Variants in PTPRG observed in about 807,000 individuals in gnomAD.
The protein encoded by PTPRG is receptor-type tyrosine-protein phosphatase gamma.
In PTPRG, 102 loss-of-function variants were observed where a neutral mutation model predicts 165.3. The observed-to-expected ratio is 0.62, with a 90% CI of 0.53 to 0.73. The LOEUF is 0.73. Among genes scored for constraint, PTPRG ranks in the 30% least tolerant of loss-of-function variants. The pLI, the probability that PTPRG is intolerant of heterozygous loss-of-function variation, is 0.00. For synonymous variants in PTPRG, 675 were observed against 669.5 expected (o/e 1.01, Z -0.13); for missense variants, 1,866 against 1,861.4 (o/e 1.00, Z -0.05).
chr3:62,021,825 A>G (rs985753008), intron 4 of PTPRG, among the ~76,000 whole-genome samples: 3 of 151,072 alleles, frequency 2.0e-5, no homozygotes, highest in African/African-American at 7.3e-5. Flanking sequence ...AATTATATGT[A>G]AAATTTTGGC....
chr3:62,120,110 T>A (rs933728874), intron 5 of PTPRG, among the ~76,000 whole-genome samples: 31 of 152,074 alleles, frequency 2.0e-4, no homozygotes, highest in Non-Finnish European at 3.2e-4. Context: ...GGTTTTTTTT[T>A]AAGCTGGTTA....
chr3:62,003,329 T>C lies in PTPRG; in HGVS notation c.371-20T>C. 1 of 1,603,304 alleles carries C rather than the reference T, an allele frequency of 6.2e-7. No individual in the cohort carries two copies. The highest frequency in any genetic ancestry group is 1.1e-5 in the South Asian group (1 of 88,816). ...TTGAAACTCACTTTGTTTTCCTCTC[T>C]TCTCATTTGTTTCACACAGTCGCCA... On this transcript the variant is annotated intron_variant, in intron 3 of 29. Transcript: ENST00000474889.
At chr3:61,888,791 A>G (rs979639312) in intron 2 of PTPRG, among the ~76,000 whole-genome samples, 1 of 152,142 alleles carries the variant, frequency 6.6e-6, no homozygotes, top group Non-Finnish European at 1.5e-5. Flanking sequence ...CAGATCATAC[A>G]TTGCATTTTG....
intron 2 of PTPRG, among the ~76,000 whole-genome samples, chr3:61,858,379 C>T (rs1045980278): frequency 2.6e-5 from 4 of 152,108 alleles, no homozygotes; most frequent in Non-Finnish European, 2.9e-5. Context: ...CTTAAAAAAG[C>T]ATATTCTGCT....
rs114701209 is a variant in PTPRG, at chr3:61,858,961, A to G, written c.190+109979A>G. Among the ~76,000 whole-genome samples the G allele has an allele frequency of 3.9e-3, 586 of 151,580 alleles. 7 individuals are homozygous for G. The highest frequency in any genetic ancestry group is 0.014 in the Middle Eastern group (4 of 294). ...CCTGTTTGAGTAAATAGCACTTCCA[A>G]TGTTTTAAGTATGCAGAGCATGATC... On this transcript the variant is annotated intron_variant, in intron 2 of 29. Coordinates refer to ENST00000474889, the MANE Select transcript of PTPRG (RefSeq NM_002841.4).
At chr3:62,068,402 A>AT (rs1701091558) in intron 4 of PTPRG, among the ~76,000 whole-genome samples, 3 of 152,158 alleles carry the variant, frequency 2.0e-5, no homozygotes, top group Non-Finnish European at 4.4e-5. Flanking sequence ...ATACTGTCAG[A>AT]TTTAAAGTAG....
chr3:62,231,956 G>A (rs545147896), intron 14 of PTPRG, among the ~76,000 whole-genome samples: 7 of 152,078 alleles, frequency 4.6e-5, no homozygotes, highest in African/African-American at 1.7e-4. Context: ...CCACACTTGA[G>A]TCTCTTGATA....
At chr3:62,000,662 C>T (rs1047008099) in intron 3 of PTPRG, among the ~76,000 whole-genome samples, 2 of 152,166 alleles carry the variant, frequency 1.3e-5, no homozygotes, top group South Asian at 2.1e-4. Flanking sequence ...GTATTTGAGC[C>T]ACCCCCGCTC....
intron 2 of PTPRG, among the ~76,000 whole-genome samples, chr3:61,961,153 A>G (rs75327611): frequency 1.5e-3 from 225 of 152,298 alleles, no homozygotes; most frequent in African/African-American, 5.1e-3. Context: ...GACCTTCAGA[A>G]GTGACACTGA....
rs911671271 is a variant in PTPRG, at chr3:61,832,017, A to G, written c.190+83035A>G. ...TTTAAAAATGTTTCTAGATGATTTCATTTATACATGGATTTATACATTTGT... is the reference window on the plus strand; with the variant it reads ...TTTAAAAATGTTTCTAGATGATTTCGTTTATACATGGATTTATACATTTGT... On this transcript the variant is annotated intron_variant, in intron 2 of 29. Coordinates refer to ENST00000474889, the MANE Select transcript of PTPRG (RefSeq NM_002841.4). Among the ~76,000 whole-genome samples the G allele has an allele frequency of 2.0e-5, 3 of 152,330 alleles. No individual in the cohort carries two copies. The South Asian group carries it at 6.2e-4, about 32-fold the overall frequency.
intron 26 of PTPRG, among the ~76,000 whole-genome samples, chr3:62,279,428 C>T (rs1354665899): frequency 6.6e-6 from 1 of 152,016 alleles, no homozygotes; most frequent in East Asian, 1.9e-4. Flanking sequence ...ATTTACTATT[C>T]ATGTTATCAT....
At chr3:61,656,057 A>G (rs1286705169) in intron 1 of PTPRG, among the ~76,000 whole-genome samples, 4 of 139,242 alleles carry the variant, frequency 2.9e-5, no homozygotes, top group African/African-American at 1.1e-4. Context: ...CCCCCCGACC[A>G]TCTCTAAAGA....
At chr3:62,008,645 C>T (rs887677208) in intron 4 of PTPRG, among the ~76,000 whole-genome samples, 1 of 152,174 alleles carries the variant, frequency 6.6e-6, no homozygotes, top group African/African-American at 2.4e-5. Context: ...TTTTCGACAC[C>T]AGGGACTGGT....
At chr3:62,288,720 T>TA (rs1702765347) in intron 28 of PTPRG, among the ~76,000 whole-genome samples, 2 of 151,568 alleles carry the variant, frequency 1.3e-5, no homozygotes, top group Admixed American at 6.6e-5. Flanking sequence ...TTAGGTGTGA[T>TA]AGTGTGTTTT....
chr3:62,167,283 G>C (rs892888508), intron 7 of PTPRG, among the ~76,000 whole-genome samples: 7 of 152,144 alleles, frequency 4.6e-5, no homozygotes, highest in Admixed American at 6.5e-5. Flanking sequence ...GTTGAACTTA[G>C]GCAGTTTGAC....
intron 1 of PTPRG, among the ~76,000 whole-genome samples, chr3:61,685,732 T>C (rs1222500581): frequency 6.6e-6 from 1 of 152,224 alleles, no homozygotes; most frequent in African/African-American, 2.4e-5. Context: ...GTCCCTATTC[T>C]GTCTTACTTC....
chr3:62,154,309 G>A (rs1379802329), intron 6 of PTPRG, among the ~76,000 whole-genome samples: 1 of 152,176 alleles, frequency 6.6e-6, no homozygotes, highest in Non-Finnish European at 1.5e-5. Context: ...AAGCAGTGAA[G>A]CCAGGCCCTC....
intron 1 of PTPRG, among the ~76,000 whole-genome samples, chr3:61,573,451 C>T (rs938960): frequency 0.66 from 100,706 of 152,078 alleles, 34,271 homozygotes; most frequent in African/African-American, 0.81. Context: ...CAACAACATG[C>T]GAAAGCCTGA....
At chr3:61,564,334 T>G (rs1699852371) in intron 1 of PTPRG, among the ~76,000 whole-genome samples, 1 of 152,058 alleles carries the variant, frequency 6.6e-6, no homozygotes, top group Admixed American at 6.5e-5. Context: ...GAATTTCCAA[T>G]TCCACTTCTG....
Sources: gnomAD v4.1 joint callset for allele counts (sites outside exome capture counted in the v4.1 genomes callset) on GRCh38, gnomAD v4.1.1 for gene constraint, MANE v1.5 for transcripts, NCBI Gene and HGNC (gene_info 2026-07-23, HGNC 2026-07-21) for gene names.